The following COL21A1 variants were observed in gnomAD, a reference collection of about 807,000 sequenced individuals.
The protein encoded by COL21A1 is collagen alpha-1(XXI) chain.
In COL21A1, 149 loss-of-function variants were observed where a neutral mutation model predicts 137.9. That is an observed-to-expected ratio of 1.08 (90% CI 0.95 to 1.24). The LOEUF is 1.24. COL21A1 is among the 50% of genes most tolerant of loss of function. The probability of loss-of-function intolerance (pLI) is 0.00; values close to 1 mark genes in which losing one functional copy is unlikely to be tolerated. For synonymous variants in COL21A1, 456 were observed against 391.5 expected (o/e 1.16, Z -1.95); for missense variants, 1,167 against 1,158.4 (o/e 1.01, Z -0.11).
chr6:56,377,481 G>A (rs1184911362), intron 1 of COL21A1, among the ~76,000 whole-genome samples: 2 of 152,118 alleles, frequency 1.3e-5, no homozygotes, highest in Non-Finnish European at 2.9e-5. Context: ...ACAGCAGAAA[G>A]GAAAACCAAA....
chr6:56,115,148 T>G (rs1771806011), intron 16 of COL21A1, among the ~76,000 whole-genome samples: 1 of 20,562 alleles, frequency 4.9e-5, no homozygotes, highest in Non-Finnish European at 9.4e-5. Flanking sequence ...CTGGGGACTG[T>G]TGTGGGGTGG....
chr6:56,309,011 G>A (rs1178668574), intron 1 of COL21A1, among the ~76,000 whole-genome samples: 1 of 151,838 alleles, frequency 6.6e-6, no homozygotes, highest in Non-Finnish European at 1.5e-5. Context: ...TTTGACCTTC[G>A]GCTGTTTGTT....
intron 1 of COL21A1, among the ~76,000 whole-genome samples, chr6:56,383,307 C>T (rs1483360941): frequency 1.3e-5 from 2 of 152,174 alleles, no homozygotes; most frequent in African/African-American, 4.8e-5. Context: ...AAGGGCTCCA[C>T]CCTCATGACC....
chr6:56,249,354 T>C (rs1436352490), upstream of COL21A1, among the ~76,000 whole-genome samples: 1 of 152,190 alleles, frequency 6.6e-6, no homozygotes, highest in Non-Finnish European at 1.5e-5. Flanking sequence ...ACCTGACAAA[T>C]TCATTCTTCA....
intron 1 of COL21A1, among the ~76,000 whole-genome samples, chr6:56,224,740 C>T (rs768574721): frequency 1.3e-5 from 2 of 152,032 alleles, no homozygotes; most frequent in Non-Finnish European, 2.9e-5. Context: ...ATGGAAAAAG[C>T]ACATCAATAT....
At chr6:56,270,513 G>A (rs890369550) in intron 1 of COL21A1, among the ~76,000 whole-genome samples, 7 of 152,218 alleles carry the variant, frequency 4.6e-5, no homozygotes, top group African/African-American at 1.7e-4. Context: ...GACCACTGAG[G>A]CAGAAAACTA....
At chr6:56,072,533 G>A (rs537318201) in intron 20 of COL21A1, among the ~76,000 whole-genome samples, 131 of 151,522 alleles carry the variant, frequency 8.6e-4, no homozygotes, top group African/African-American at 2.9e-3. Context: ...ACAAACATAA[G>A]CTGACAAAAC....
chr6:56,160,816 G>C (rs1276683789), intron 9 of COL21A1, among the ~76,000 whole-genome samples: 2 of 152,110 alleles, frequency 1.3e-5, no homozygotes, highest in African/African-American at 2.4e-5. Flanking sequence ...ATAAAAATAA[G>C]CTAATATTTT....
chr6:56,301,170 A>C, intron 1 of COL21A1, among the ~76,000 whole-genome samples: 1 of 152,272 alleles, frequency 6.6e-6, no homozygotes, highest in African/African-American at 2.4e-5. Flanking sequence ...ACATGGCAAA[A>C]GAGACTCTAA....
intron 1 of COL21A1, among the ~76,000 whole-genome samples, chr6:56,370,824 T>C (rs953854242): frequency 6.6e-6 from 1 of 152,212 alleles, no homozygotes; most frequent in Non-Finnish European, 1.5e-5. Context: ...AAAGATCCAA[T>C]AGCTCTTCAT....
chr6:56,240,985 C>T (rs1486655882), intron 1 of COL21A1, among the ~76,000 whole-genome samples: 5 of 152,128 alleles, frequency 3.3e-5, no homozygotes, highest in Non-Finnish European at 7.4e-5. Context: ...CCATTAAGAG[C>T]TCTGCATCTT....
At chr6:56,097,483 C>A (rs1327272608) in intron 17 of COL21A1, among the ~76,000 whole-genome samples, 3 of 151,686 alleles carry the variant, frequency 2.0e-5, no homozygotes, top group Non-Finnish European at 4.4e-5. Context: ...TTTCCCTCAC[C>A]ACTGAAGCTA....
intron 1 of COL21A1, among the ~76,000 whole-genome samples, chr6:56,322,501 A>G (rs1764892799): frequency 6.6e-6 from 1 of 152,136 alleles, no homozygotes; most frequent in South Asian, 2.1e-4. Flanking sequence ...CTACAGGAAT[A>G]AGCAAACTTA....
chr6:56,385,009 G>A (rs1466043954), intron 1 of COL21A1, among the ~76,000 whole-genome samples: 2 of 152,218 alleles, frequency 1.3e-5, no homozygotes, highest in African/African-American at 4.8e-5. Context: ...ATGACCTGGA[G>A]AGGAGCAGTC....
rs35299623 is a variant in COL21A1, at chr6:56,110,255, C to CT, written c.1759-8731dup. ...ATCAAGTCAGTGAAGGCAGAAAAAGCTTTTTTTTTTTTTTTTTGCAAAATT... is the reference window on the plus strand; with the variant it reads ...ATCAAGTCAGTGAAGGCAGAAAAAGCTTTTTTTTTTTTTTTTTTGCAAAATT... On this transcript the variant is annotated intron_variant, in intron 16 of 29. Coordinates refer to ENST00000244728, the MANE Select transcript of COL21A1 (RefSeq NM_030820.4). 9.0e-3 allele frequency among the ~76,000 whole-genome samples: 1,098 copies of CT among 121,890 alleles called. 12 individuals carry two copies. Among genetic ancestry groups the CT allele is most frequent in the Middle Eastern group, 0.025 (6 of 238 alleles). 80.0% of individuals were successfully genotyped at this position (121,890 alleles called of 152,430 possible). A position where few individuals can be genotyped will look rare whatever the true frequency, so the allele number is the denominator to read the frequency against.
intron 1 of COL21A1, among the ~76,000 whole-genome samples, chr6:56,233,856 A>C (rs2152319732): frequency 6.6e-6 from 1 of 151,958 alleles, no homozygotes; most frequent in East Asian, 1.9e-4. Flanking sequence ...AAATAAATTT[A>C]GCTTGTCTAG....
At chr6:56,384,507 C>T (rs1175134688) in intron 1 of COL21A1, among the ~76,000 whole-genome samples, 1 of 152,212 alleles carries the variant, frequency 6.6e-6, no homozygotes, top group African/African-American at 2.4e-5. Context: ...CTGACAACTT[C>T]TGCTTCTGGT....
intron 1 of COL21A1, among the ~76,000 whole-genome samples, chr6:56,282,561 C>A (rs527900771): frequency 1.7e-4 from 26 of 152,152 alleles, no homozygotes; most frequent in Non-Finnish European, 3.4e-4. Context: ...CATATGTTTA[C>A]CATGGGAAAG....
chr6:56,241,119 C>T (rs1782290149), intron 1 of COL21A1, among the ~76,000 whole-genome samples: 1 of 152,064 alleles, frequency 6.6e-6, no homozygotes, highest in Non-Finnish European at 1.5e-5. Flanking sequence ...GCTGCCCTCC[C>T]AAAAATCATG....
Sources: allele counts gnomAD v4.1 joint callset (sites outside exome capture counted in the v4.1 genomes callset), GRCh38; gene constraint gnomAD v4.1.1; transcripts MANE v1.5; gene names NCBI Gene and HGNC (gene_info 2026-07-23, HGNC 2026-07-21).